Variants in CACNA2D1 observed in about 807,000 individuals in gnomAD.
CACNA2D1 encodes the protein calcium voltage-gated channel auxiliary subunit alpha2delta 1, also known as voltage-dependent calcium channel subunit alpha-2/delta-1.
CACNA2D1 carries 53 observed loss-of-function variants against 171.5 expected under a neutral mutation model. The observed-to-expected ratio is 0.31, with a 90% CI of 0.25 to 0.39. The LOEUF is 0.39. CACNA2D1 is among the 10% of genes least tolerant of loss of function. The pLI, the probability that CACNA2D1 is intolerant of heterozygous loss-of-function variation, is 1.00. For missense variants in CACNA2D1, 903 were observed against 1,299.8 expected (o/e 0.69, Z 4.69); for synonymous variants, 442 against 443.1 (o/e 1.00, Z 0.03).
At chr7:82,112,662 C>T (rs1788597775) in intron 6 of CACNA2D1, among the ~76,000 whole-genome samples, 2 of 152,160 alleles carry the variant, frequency 1.3e-5, no homozygotes, top group African/African-American at 2.4e-5. Flanking sequence ...TAAAGGTATA[C>T]TACCCACACT....
intron 19 of CACNA2D1, 47 bp downstream of exon 19, chr7:81,997,132 C>T: frequency 2.8e-6 from 3 of 1,052,762 alleles, no homozygotes; most frequent in Non-Finnish European, 4.5e-6. Flanking sequence ...TGAGTGCATA[C>T]CAGCATCTGA....
At chr7:82,031,774 C>A (rs1363070694) in intron 12 of CACNA2D1, among the ~76,000 whole-genome samples, 3 of 151,968 alleles carry the variant, frequency 2.0e-5, no homozygotes, top group African/African-American at 7.2e-5. Context: ...TCTCGCTTTT[C>A]AACACCCAAT....
intron 2 of CACNA2D1, among the ~76,000 whole-genome samples, chr7:82,340,484 A>T (rs77289358): frequency 2.0e-5 from 3 of 148,806 alleles, no homozygotes; most frequent in African/African-American, 5.0e-5. Context: ...TTTTTTTTTT[A>T]TAAGTAGATT....
chr7:82,369,458 A>C (rs547043387), intron 1 of CACNA2D1, among the ~76,000 whole-genome samples: 38 of 151,898 alleles, frequency 2.5e-4, no homozygotes, highest in African/African-American at 8.7e-4. Flanking sequence ...CTTTTTTCAG[A>C]GTAAATATTA....
At chr7:81,985,440 G>T (rs1796872772) in intron 21 of CACNA2D1, among the ~76,000 whole-genome samples, 1 of 151,980 alleles carries the variant, frequency 6.6e-6, no homozygotes, top group African/African-American at 2.4e-5. Context: ...GACTCCCAAA[G>T]TGCTGGTGTT....
At chr7:82,393,230 G>C (rs978882208) in intron 1 of CACNA2D1, among the ~76,000 whole-genome samples, 1 of 152,024 alleles carries the variant, frequency 6.6e-6, no homozygotes. Context: ...AAAAATTGTA[G>C]CTATATACAA....
intron 24 of CACNA2D1, 45 bp downstream of exon 24, chr7:81,982,522 C>T (rs1796544545): frequency 5.7e-6 from 6 of 1,050,778 alleles, no homozygotes; most frequent in Non-Finnish European, 9.0e-6. Context: ...CTGTTGAAGG[C>T]CTAGCTACTG....
At chr7:82,281,961 AAAAGAAAAAAG>A (rs1337589599) in intron 3 of CACNA2D1, among the ~76,000 whole-genome samples, 7 of 152,134 alleles carry the variant, frequency 4.6e-5, no homozygotes, top group Non-Finnish European at 7.4e-5. Context: ...AGCAAAGAAA[AAAAGAAAAAAG>A]AAAGAAAAAA....
intron 1 of CACNA2D1, among the ~76,000 whole-genome samples, chr7:82,442,304 A>G (rs1830565426): frequency 6.6e-6 from 1 of 152,198 alleles, no homozygotes. Context: ...CAGCATAAAT[A>G]CCGGGAAAGC....
chr7:82,397,970 A>T (rs942032682), intron 1 of CACNA2D1, among the ~76,000 whole-genome samples: 1 of 152,218 alleles, frequency 6.6e-6, no homozygotes, highest in Non-Finnish European at 1.5e-5. Flanking sequence ...TCATGAGTAT[A>T]TTAAGAACCT....
intron 1 of CACNA2D1, among the ~76,000 whole-genome samples, chr7:82,364,518 T>C (rs1052866091): frequency 7.9e-5 from 12 of 152,200 alleles, no homozygotes; most frequent in African/African-American, 2.9e-4. Flanking sequence ...CCATGCTAAA[T>C]GCCACTAAAA....
At chr7:82,317,965 C>T (rs190214977) in intron 3 of CACNA2D1, among the ~76,000 whole-genome samples, 1 of 151,424 alleles carries the variant, frequency 6.6e-6, no homozygotes, top group East Asian at 1.9e-4. Context: ...CCATGGTTTA[C>T]TTTGCCCTCT....
At chr7:82,083,952 G>A (rs1166987578) in intron 7 of CACNA2D1, among the ~76,000 whole-genome samples, 2 of 152,090 alleles carry the variant, frequency 1.3e-5, no homozygotes, top group African/African-American at 2.4e-5. Flanking sequence ...AGGTCATACT[G>A]TAGCAATTTA....
rs184814391 is a variant in CACNA2D1, at chr7:82,198,437, G to C, written c.295-27828C>G. 4.6e-5 allele frequency among the ~76,000 whole-genome samples: 7 copies of C among 152,168 alleles called. No individual in the cohort carries two copies. In the East Asian group the frequency reaches 1.4e-3, roughly 29 times the overall value. ...GTGAGCTACAGGGCTCGAAGGCAGT[G>C]ATTTCTTTGCTGCATGTTAGAAAGA... On this transcript the variant is annotated intron_variant, in intron 3 of 38. Transcript: ENST00000356860.
At chr7:82,354,756 C>T (rs767619255) in intron 1 of CACNA2D1, among the ~76,000 whole-genome samples, 3 of 152,050 alleles carry the variant, frequency 2.0e-5, no homozygotes, top group Non-Finnish European at 4.4e-5. Flanking sequence ...GAAATTCTTA[C>T]TAGTACTAGT....
At chr7:82,169,922 C>G (rs998138966) in intron 4 of CACNA2D1, among the ~76,000 whole-genome samples, 1 of 150,744 alleles carries the variant, frequency 6.6e-6, no homozygotes, top group African/African-American at 2.4e-5. Context: ...GACCTTACCA[C>G]AAGGAGAATT....
rs1233497201 is a variant in CACNA2D1, at chr7:82,429,506, C to G, written c.95+13859G>C. ...CAATTTACTTCACATGTGGAAAAAC[C>G]CAAAAGCGGTAGGACCAAATCCAAG... On this transcript the variant is annotated intron_variant, in intron 1 of 38. Coordinates refer to ENST00000356860, the MANE Select transcript of CACNA2D1 (RefSeq NM_000722.4). Among the ~76,000 whole-genome samples, 3 of 152,148 alleles carry G rather than the reference C, an allele frequency of 2.0e-5. 1 individual carries two copies.
chr7:82,407,019 T>C (rs1827133906), intron 1 of CACNA2D1, among the ~76,000 whole-genome samples: 2 of 152,192 alleles, frequency 1.3e-5, no homozygotes, highest in Non-Finnish European at 2.9e-5. Context: ...TTACTACCCC[T>C]CTATAAATAT....
At chr7:82,043,234 A>C (rs116064615) in intron 10 of CACNA2D1, among the ~76,000 whole-genome samples, 1,643 of 152,260 alleles carry the variant, frequency 0.011, 27 homozygotes, top group African/African-American at 0.038. Flanking sequence ...GTACATTCAA[A>C]AGTACAAATA....
Sources: allele counts gnomAD v4.1 joint callset (sites outside exome capture counted in the v4.1 genomes callset), GRCh38; gene constraint gnomAD v4.1.1; transcripts MANE v1.5; gene names NCBI Gene and HGNC (gene_info 2026-07-23, HGNC 2026-07-21).